NEK1: variants seen among roughly 807,000 people sequenced by gnomAD.
NEK1 encodes serine/threonine-protein kinase Nek1.
A neutral mutation model predicts 182.1 loss-of-function variants in NEK1; 137 were observed. That is an observed-to-expected ratio of 0.75 (90% CI 0.65 to 0.87). NEK1 has a LOEUF of 0.87. Among genes scored for constraint, NEK1 ranks in the 40% least tolerant of loss-of-function variants. NEK1 has a pLI of 0.00. For synonymous variants in NEK1, 513 were observed against 492.2 expected (o/e 1.04, Z -0.56); for missense variants, 1,391 against 1,494.4 (o/e 0.93, Z 1.14).
chr4:169,404,431 C>G (rs993315310), intron 32 of NEK1, among the ~76,000 whole-genome samples: 2 of 151,994 alleles, frequency 1.3e-5, no homozygotes, highest in African/African-American at 4.8e-5. Flanking sequence ...GAACCAAAAA[C>G]CAGAAAATAA....
intron 18 of NEK1, among the ~76,000 whole-genome samples, chr4:169,543,385 G>A (rs959696920): frequency 1.7e-4 from 26 of 152,208 alleles, no homozygotes; most frequent in South Asian, 1.0e-3. Context: ...TTTGGTTACC[G>A]TACCCTTGTA....
chr4:169,561,979 T>G, intron 13 of NEK1, 88 bp from the exon 14 acceptor site: 1 of 1,180,476 alleles, frequency 8.5e-7, no homozygotes, highest in Non-Finnish European at 1.2e-6. Context: ...ATGGCAGAGG[T>G]ATGTTCAATG....
rs199827465 is a variant in NEK1, at chr4:169,479,405, C to A, written c.2137G>T (p.Val713Leu). 9 of 1,607,926 alleles carry A rather than the reference C, an allele frequency of 5.6e-6. No homozygotes were observed. Among genetic ancestry groups the A allele is most frequent in the Non-Finnish European group, 7.6e-6 (9 of 1,177,530 alleles). Residue 713 changes from valine (V) to leucine (L), a missense_variant and splice_region_variant, in exon 24 of 36, where the codon GTG (valine) becomes TTG (leucine). By Grantham distance (32) the Val-to-Leu change is conservative (BLOSUM62 1). Coordinates refer to ENST00000507142, the MANE Select transcript of NEK1 (RefSeq NM_001199397.3). Reference sequence around the variant, plus strand: ...GTTCTGAATCTTAGGAAACTTACCACGCCAACTTCTTTCAAAGCTGAAGTT... The same window carrying A: ...GTTCTGAATCTTAGGAAACTTACCAAGCCAACTTCTTTCAAAGCTGAAGTT... ...SVTSALKEVG[V>L]DSSLTDTRET...
At position 169,401,802 on chromosome 4, in the gene NEK1, G is replaced by A. The variant is rs1206669082; in HGVS notation, c.3433C>T (p.Leu1145Phe). ...QELQASMEQL[L>F]REQPGEEYSE... ...TATTCTTCACCAGGTTGTTCCCTAA[G>A]TAACTGTTCCATCGAGGCCTGCAGC... is the stretch of plus-strand genomic sequence containing the variant. Residue 1145 changes from leucine to phenylalanine, a missense_variant, in exon 33 of 36, where the codon CTT (leucine) becomes TTT (phenylalanine). Transcript: ENST00000507142. 6.2e-7 allele frequency: 1 copy of A among 1,613,742 alleles called. No individual in the cohort carries two copies. The highest frequency in any genetic ancestry group is 8.5e-7 in the Non-Finnish European group (1 of 1,179,770).
chr4:169,521,798 T>A (rs1349530742), intron 19 of NEK1, among the ~76,000 whole-genome samples: 1 of 152,226 alleles, frequency 6.6e-6, no homozygotes, highest in African/African-American at 2.4e-5. Flanking sequence ...AACCTGCTGT[T>A]ATTCAAATTG....
Position 169,405,424 on chromosome 4 carries a change from C to T in NEK1, c.3374+1172G>A, listed in dbSNP as rs182896020. Reference sequence around the variant, plus strand: ...ATAGGGTACTTATCATAGGACATTACTATACACTACTATAGACTTATAAAC... The same window carrying T: ...ATAGGGTACTTATCATAGGACATTATTATACACTACTATAGACTTATAAAC... On this transcript the variant is annotated intron_variant, in intron 32 of 35. Transcript: ENST00000507142. Among the ~76,000 whole-genome samples the T allele has an allele frequency of 2.8e-3, 422 of 152,300 alleles. 1 individual carries two copies. Among genetic ancestry groups the T allele is most frequent in the Non-Finnish European group, 3.6e-3 (248 of 68,018 alleles).
At position 169,562,149 on chromosome 4, in the gene NEK1, C is replaced by T. The variant is rs17055010; in HGVS notation, c.1068G>A (p.Arg356=). 20,728 of 1,542,566 alleles carry T rather than the reference C, an allele frequency of 0.013. 2,294 individuals are homozygous for T. The African/African-American group carries it at 0.25, about 18-fold the overall frequency. Residue 356 remains arginine (R), a synonymous_variant, in exon 13 of 36, where the codon AGG becomes AGA. Coordinates refer to ENST00000507142, the MANE Select transcript of NEK1 (RefSeq NM_001199397.3). Reference sequence around the variant, plus strand: ...GATGTCTTTATACCTCAGATATTTTCCTCCTTTCTTCTCCAGTATTCACTC... The same window carrying T: ...GATGTCTTTATACCTCAGATATTTTTCTCCTTTCTTCTCCAGTATTCACTC... ...EKRVNTGEER[R]KISEEAARKR... is the part of the protein sequence containing the mutation.
In NEK1 at chr4:169,562,191, A is replaced by G; in HGVS notation, c.1026T>C (p.His342=). ...KKPLQKHKQA[H]QTPEKRVNTG... ...TATTCACTCTCTTCTCTGGAGTTTG[A>G]TGGGCCTGGACAAAAAGTAAAACTA... The change falls in exon 13 of 36, where the codon CAT becomes CAC. Residue 342 remains histidine, a synonymous_variant. Transcript: ENST00000507142. 6.5e-7 allele frequency: 1 copy of G among 1,543,578 alleles called. No individual in the cohort carries two copies. The highest frequency in any genetic ancestry group is 8.8e-7 in the Non-Finnish European group (1 of 1,141,974).
chr4:169,464,451 G>A (rs1469947320), intron 26 of NEK1, among the ~76,000 whole-genome samples: 1 of 152,120 alleles, frequency 6.6e-6, no homozygotes, highest in African/African-American at 2.4e-5. Context: ...AATGGCTGGA[G>A]GGTCTTTTTG....
intron 2 of NEK1, among the ~76,000 whole-genome samples, chr4:169,609,037 G>T (rs1426971637): frequency 1.3e-5 from 2 of 148,868 alleles, no homozygotes; most frequent in Non-Finnish European, 3.0e-5. Context: ...CTCCAGCCTG[G>T]GTGACAGAGC....
At chr4:169,511,701 T>A (rs1227772702) in intron 19 of NEK1, among the ~76,000 whole-genome samples, 1 of 152,150 alleles carries the variant, frequency 6.6e-6, no homozygotes, top group East Asian at 1.9e-4. Flanking sequence ...TTGTCACTCA[T>A]GTCATCTTAT....
chr4:169,499,429 G>T (rs1333197384), intron 23 of NEK1, among the ~76,000 whole-genome samples: 1 of 152,166 alleles, frequency 6.6e-6, no homozygotes, highest in Non-Finnish European at 1.5e-5. Flanking sequence ...GTCCAGCTTT[G>T]TTCTGTTGCT....
rs1759519898 is a variant in NEK1 at position 169,542,053 on chromosome 4, C to T, written c.1563-4142G>A. On this transcript the variant is annotated intron_variant, in intron 18 of 35. Coordinates refer to ENST00000507142, the MANE Select transcript of NEK1 (RefSeq NM_001199397.3). ...TTTTTGTTTTATTACACTTTAAGTT[C>T]TGGGGTACATGTGCAAAAAGTGCAG... Among the ~76,000 whole-genome samples the T allele has an allele frequency of 5.9e-5, 9 of 152,168 alleles. No individual in the cohort carries two copies. The South Asian group carries it at 1.9e-3, about 32-fold the overall frequency.
chr4:169,515,497 CTTCTTT>C lies in NEK1; in HGVS notation c.1666-6651_1666-6646del, dbSNP rs1162396283. ...GTATACATATTTAGGATTGCAATAA[CTTCTTT>C]TTTTTTTTTTTATTATACTCTAAGT... On this transcript the variant is annotated intron_variant, in intron 19 of 35. Coordinates refer to ENST00000507142, the MANE Select transcript of NEK1 (RefSeq NM_001199397.3). Among the ~76,000 whole-genome samples the C allele has an allele frequency of 4.5e-4, 59 of 131,380 alleles. 1 individual carries two copies. Among genetic ancestry groups the C allele is most frequent in the African/African-American group, 1.8e-3 (56 of 31,742 alleles). 86.2% of individuals were successfully genotyped at this position (131,380 alleles called of 152,430 possible).
chr4:169,394,673 A>G (rs1447296684), intron 35 of NEK1, 150 bp from the exon 36 acceptor site: 6 of 488,516 alleles, frequency 1.2e-5, no homozygotes, highest in Middle Eastern at 5.3e-4. Context: ...TCCTTGTAAA[A>G]TATTCAGACA....
intron 12 of NEK1, among the ~76,000 whole-genome samples, chr4:169,575,044 C>T (rs149298701): frequency 3.3e-5 from 5 of 152,174 alleles, no homozygotes; most frequent in Non-Finnish European, 5.9e-5. Context: ...CTATAGAAAA[C>T]TATGCAGGGG....
At chr4:169,568,518 C>T (rs370014704) in intron 12 of NEK1, among the ~76,000 whole-genome samples, 2 of 152,042 alleles carry the variant, frequency 1.3e-5, no homozygotes, top group Non-Finnish European at 1.5e-5. Flanking sequence ...TGAAATACAA[C>T]TACTGATAAT....
At chr4:169,569,545 G>A (rs562456666) in intron 12 of NEK1, among the ~76,000 whole-genome samples, 150 of 145,562 alleles carry the variant, frequency 1.0e-3, no homozygotes, top group African/African-American at 3.2e-3. Context: ...ATGCCGAGCC[G>A]AAGCTGGACT....
chr4:169,551,086 T>C (rs1277259003), intron 18 of NEK1, among the ~76,000 whole-genome samples: 1 of 152,246 alleles, frequency 6.6e-6, no homozygotes, highest in Non-Finnish European at 1.5e-5. Context: ...TGCTACCTTT[T>C]ACTTATAGGA....
Sources: gnomAD v4.1 joint callset for allele counts (sites outside exome capture counted in the v4.1 genomes callset) on GRCh38, gnomAD v4.1.1 for gene constraint, MANE v1.5 for transcripts, NCBI Gene and HGNC (gene_info 2026-07-23, HGNC 2026-07-21) for gene names.